KCNMA1: variants seen among roughly 807,000 people sequenced by gnomAD.
The protein encoded by KCNMA1 is potassium calcium-activated channel subfamily M alpha 1.
Under a neutral mutation model 140.0 loss-of-function variants are expected in KCNMA1, and 29 were observed. The observed-to-expected ratio is 0.21, with a 90% CI of 0.15 to 0.28. The LOEUF is 0.28. Among genes scored for constraint, KCNMA1 ranks in the 10% least tolerant of loss-of-function variants. The pLI, the probability that KCNMA1 is intolerant of heterozygous loss-of-function variation, is 1.00. For synonymous variants in KCNMA1, 612 were observed against 611.9 expected, an observed-to-expected ratio of 1.00 and a Z score of 0.00; for missense variants, 880 against 1,602.2, an observed-to-expected ratio of 0.55 and a Z score of 7.70.
At chr10:77,031,972 A>G (rs1274887717) in intron 15 of KCNMA1, among the ~76,000 whole-genome samples, 1 of 152,198 alleles carries the variant, frequency 6.6e-6, no homozygotes, top group Admixed American at 6.5e-5. Context: ...GAAAGCTTGG[A>G]AGTGAGTATA....
intron 7 of KCNMA1, among the ~76,000 whole-genome samples, chr10:77,111,846 T>G (rs746178778): frequency 6.6e-6 from 1 of 152,146 alleles, no homozygotes; most frequent in African/African-American, 2.4e-5. Flanking sequence ...TCGGGTGGTG[T>G]GAGGGGCTTG....
At chr10:77,330,378 C>T (rs933954541) in intron 2 of KCNMA1, among the ~76,000 whole-genome samples, 2 of 152,186 alleles carry the variant, frequency 1.3e-5, no homozygotes, top group Non-Finnish European at 2.9e-5. Flanking sequence ...GAGGAGCCCA[C>T]GGGGCTCACA....
chr10:77,490,828 T>C (rs1464570319), intron 1 of KCNMA1, among the ~76,000 whole-genome samples: 2 of 152,118 alleles, frequency 1.3e-5, no homozygotes, highest in Admixed American at 6.5e-5. Flanking sequence ...CCGAAATCTC[T>C]AGGACCACAC....
At chr10:77,350,543 T>A (rs2092748614) in intron 2 of KCNMA1, 1 of 152,204 alleles carries the variant, frequency 6.6e-6, no homozygotes, top group African/African-American at 2.4e-5. Context: ...GTTGGCCTAC[T>A]TGGATGCCAG....
intron 17 of KCNMA1, among the ~76,000 whole-genome samples, chr10:77,018,626 G>A (rs1369932639): frequency 6.6e-6 from 1 of 152,140 alleles, no homozygotes; most frequent in East Asian, 1.9e-4. Context: ...AGGGAGAGTA[G>A]TAGAAAACTG....
At chr10:77,250,188 G>A (rs1565491574) in intron 3 of KCNMA1, 1 of 152,174 alleles carries the variant, frequency 6.6e-6, no homozygotes, top group Non-Finnish European at 1.5e-5. Flanking sequence ...ACCAGAGTCT[G>A]AGCCAACAGG....
At chr10:77,299,487 C>T (rs2076051118) in intron 2 of KCNMA1, among the ~76,000 whole-genome samples, 1 of 152,166 alleles carries the variant, frequency 6.6e-6, no homozygotes, top group African/African-American at 2.4e-5. Flanking sequence ...CAACGTGCCT[C>T]AAAATGTTAT....
At chr10:77,316,183 T>A (rs1009145088) in intron 2 of KCNMA1, among the ~76,000 whole-genome samples, 1 of 151,964 alleles carries the variant, frequency 6.6e-6, no homozygotes, top group African/African-American at 2.4e-5. Flanking sequence ...ACTCTCAAAA[T>A]CCCCTCTGGC....
chr10:76,921,364 AT>A (rs1261263647), intron 23 of KCNMA1, among the ~76,000 whole-genome samples: 1 of 152,220 alleles, frequency 6.6e-6, no homozygotes, highest in Non-Finnish European at 1.5e-5. Context: ...GATGAATTAA[AT>A]TTCCTGTTAA....
intron 1 of KCNMA1, among the ~76,000 whole-genome samples, chr10:77,556,606 T>C (rs1243439276): frequency 2.0e-5 from 3 of 152,034 alleles, no homozygotes; most frequent in Non-Finnish European, 2.9e-5. Flanking sequence ...AAGGACTCTT[T>C]ATGCTTTCAA....
chr10:76,977,070 C>T (rs1373314304), intron 19 of KCNMA1, among the ~76,000 whole-genome samples: 1 of 152,160 alleles, frequency 6.6e-6, no homozygotes, highest in African/African-American at 2.4e-5. Context: ...TCCTTTCCTT[C>T]TCTCCCTACT....
intron 16 of KCNMA1, among the ~76,000 whole-genome samples, chr10:77,027,611 C>T (rs2153526001): frequency 6.6e-6 from 1 of 152,288 alleles, no homozygotes; most frequent in Middle Eastern, 3.4e-3. Context: ...CTCTGAATGC[C>T]CAGCAGGGCT....
chr10:76,883,077 C>T (rs940512899), downstream of KCNMA1, among the ~76,000 whole-genome samples: 2 of 152,122 alleles, frequency 1.3e-5, no homozygotes, highest in African/African-American at 2.4e-5. Flanking sequence ...AAAGCTTTTT[C>T]TGGTCATCTG....
chr10:77,394,936 G>A (rs1488838699), intron 2 of KCNMA1, among the ~76,000 whole-genome samples: 6 of 152,172 alleles, frequency 3.9e-5, no homozygotes, highest in African/African-American at 9.7e-5. Context: ...AGCCACAGAC[G>A]ATACGTAAAT....
intron 1 of KCNMA1, among the ~76,000 whole-genome samples, chr10:77,485,535 A>C (rs549211810): frequency 1.5e-4 from 23 of 152,344 alleles, no homozygotes; most frequent in Non-Finnish European, 1.2e-4. Context: ...TGACCCTCCA[A>C]GACTTGCCCA....
intron 23 of KCNMA1, among the ~76,000 whole-genome samples, chr10:76,934,335 A>G (rs2059987938): frequency 6.6e-6 from 1 of 152,186 alleles, no homozygotes; most frequent in African/African-American, 2.4e-5. Flanking sequence ...GCTTTTAAGA[A>G]AAGAAGTAAA....
At chr10:77,522,573 C>T (rs1248567) in intron 1 of KCNMA1, among the ~76,000 whole-genome samples, 51,892 of 152,088 alleles carry the variant, frequency 0.34, 12,451 homozygotes, top group African/African-American at 0.65. Flanking sequence ...CTCACAGCTG[C>T]TGCTGCCCAG....
Position 77,219,466 on chromosome 10 carries a change from T to A in KCNMA1, c.602+31729A>T, listed in dbSNP as rs149275265. Among the ~76,000 whole-genome samples the A allele has an allele frequency of 1.2e-3, 183 of 151,962 alleles. 1 individual carries two copies. Among genetic ancestry groups the A allele is most frequent in the African/African-American group, 4.1e-3 (168 of 41,436 alleles). ...CTGGGGTCTTGGGTTCTAAGAGGGG[T>A]GGTGGCTTTTCCCTGAGCCCTAAAC... On this transcript the variant is annotated intron_variant, in intron 3 of 27. Coordinates refer to ENST00000286628, the MANE Select transcript of KCNMA1 (RefSeq NM_001161352.2).
intron 1 of KCNMA1, among the ~76,000 whole-genome samples, chr10:77,416,104 T>C (rs888910718): frequency 2.6e-5 from 4 of 152,186 alleles, no homozygotes; most frequent in African/African-American, 9.6e-5. Context: ...AAATGCCTCA[T>C]TCTACAGGCA....
Sources: gnomAD v4.1 joint callset for allele counts (sites outside exome capture counted in the v4.1 genomes callset) on GRCh38, gnomAD v4.1.1 for gene constraint, MANE v1.5 for transcripts, NCBI Gene and HGNC (gene_info 2026-07-23, HGNC 2026-07-21) for gene names.